The following TMCO5A variants were observed in gnomAD, a reference collection of about 807,000 sequenced individuals.
TMCO5A encodes the protein transmembrane and coiled-coil domain-containing protein 5A.
TMCO5A carries 34 observed loss-of-function variants against 42.3 expected under a neutral mutation model. The observed-to-expected ratio is 0.80, with a 90% CI of 0.61 to 1.07. TMCO5A has a LOEUF of 1.07. Ranked by LOEUF, TMCO5A falls within the 50% of genes least tolerant of loss-of-function variation. The pLI is 0.00. For missense variants in TMCO5A, 357 were observed against 327.9 expected, an observed-to-expected ratio of 1.09 and a Z score of -0.69; for synonymous variants, 131 against 115.6, an observed-to-expected ratio of 1.13 and a Z score of -0.86.
At position 37,951,203 on chromosome 15, in the gene TMCO5A, C is replaced by G; in HGVS notation, c.836C>G (p.Thr279Arg). 6.2e-7 allele frequency: 1 copy of G among 1,613,806 alleles called. No homozygotes were observed. The highest frequency in any genetic ancestry group is 8.5e-7 in the Non-Finnish European group (1 of 1,179,840). ...AGATGCTTCTTCTTTCCATCTCTCA[C>G]ACTTGAGACAGAGGACATGTTACCC... ...KLRCFFFPSLTLETEDMLPH is the reference protein window; with the variant it reads ...KLRCFFFPSLRLETEDMLPH The change falls in exon 12 of 12, where the codon ACA (threonine) becomes AGA (arginine). Residue 279 changes from threonine to arginine, a missense_variant. Thr to Arg is a moderately conservative substitution (Grantham distance 71). Coordinates refer to ENST00000319669, the MANE Select transcript of TMCO5A (RefSeq NM_152453.4).
At chr15:37,968,503 C>T (rs151283309), downstream of TMCO5A, among the ~76,000 whole-genome samples, 293 of 151,970 alleles carry the variant, frequency 1.9e-3, 3 homozygotes, top group African/African-American at 6.7e-3. Flanking sequence ...AGACACCATT[C>T]GTTTCTACGG....
chr15:37,977,076 T>C, the TMCO5A span, among the ~76,000 whole-genome samples: 1 of 152,300 alleles, frequency 6.6e-6, no homozygotes, highest in Admixed American at 6.5e-5. Flanking sequence ...CCAGCCTGGT[T>C]CTTTCTTAAA....
the TMCO5A span, among the ~76,000 whole-genome samples, chr15:37,978,274 C>T: frequency 6.6e-6 from 1 of 152,176 alleles, no homozygotes; most frequent in Non-Finnish European, 1.5e-5. Context: ...ATAAAGCCCT[C>T]AGACTCTTTG....
intron 11 of TMCO5A, among the ~76,000 whole-genome samples, chr15:37,957,487 C>A (rs1200273193): frequency 6.6e-6 from 1 of 152,092 alleles, no homozygotes; most frequent in Non-Finnish European, 1.5e-5. Context: ...CTCCCATTCA[C>A]AATTGCTACA....
chr15:37,936,155 A>G, intron 2 of TMCO5A, 159 bp from the exon 3 acceptor site: 1 of 815,164 alleles, frequency 1.2e-6, no homozygotes, highest in South Asian at 2.3e-5. Flanking sequence ...ACAGTTGTAG[A>G]GCATGATCAA....
the TMCO5A span, among the ~76,000 whole-genome samples, chr15:38,021,888 C>A: frequency 4.6e-5 from 7 of 151,186 alleles, no homozygotes; most frequent in Non-Finnish European, 1.0e-4. Flanking sequence ...CAGCTCACTG[C>A]AACCTCCACC....
the TMCO5A span, among the ~76,000 whole-genome samples, chr15:37,997,356 A>C: frequency 6.6e-6 from 1 of 152,240 alleles, no homozygotes; most frequent in African/African-American, 2.4e-5. Flanking sequence ...GTAAATTCTG[A>C]AAATGTCATT....
intron 6 of TMCO5A, among the ~76,000 whole-genome samples, chr15:37,938,767 A>T (rs1437326261): frequency 6.6e-6 from 1 of 152,016 alleles, no homozygotes; most frequent in Non-Finnish European, 1.5e-5. Context: ...AATCTAGAAA[A>T]GGGTTCAATT....
At chr15:37,941,861 G>A in intron 8 of TMCO5A, 131 bp downstream of exon 8, 1 of 756,216 alleles carries the variant, frequency 1.3e-6, no homozygotes, top group South Asian at 1.5e-5. Flanking sequence ...ATACTTTAAG[G>A]TCATCAGCAC....
the TMCO5A span, among the ~76,000 whole-genome samples, chr15:38,012,523 C>T: frequency 8.7e-5 from 13 of 149,318 alleles, no homozygotes; most frequent in Non-Finnish European, 1.9e-4. Flanking sequence ...TAGGAGTAGT[C>T]GTGTGTGTGT....
At chr15:37,946,624 C>T (rs57713946) in intron 10 of TMCO5A, among the ~76,000 whole-genome samples, 2,490 of 151,956 alleles carry the variant, frequency 0.016, 77 homozygotes, top group African/African-American at 0.057. Context: ...TTTGTAGCAA[C>T]TGTGAATGGG....
downstream of TMCO5A, among the ~76,000 whole-genome samples, chr15:37,972,155 C>T (rs1303735264): frequency 6.6e-6 from 1 of 152,156 alleles, no homozygotes; most frequent in Non-Finnish European, 1.5e-5. Context: ...GCTGGGGAGG[C>T]CTCACAATTA....
chr15:37,963,008 T>A (rs775016423), intron 11 of TMCO5A, among the ~76,000 whole-genome samples: 4 of 152,140 alleles, frequency 2.6e-5, no homozygotes, highest in Admixed American at 6.6e-5. Flanking sequence ...GTTTCATTTA[T>A]CTTTTGTATT....
the TMCO5A span, among the ~76,000 whole-genome samples, chr15:38,014,936 C>T: frequency 8.0e-6 from 1 of 125,734 alleles, no homozygotes; most frequent in Non-Finnish European, 1.6e-5. Context: ...TCATAAGGTC[C>T]CACAATAGGC....
the TMCO5A span, among the ~76,000 whole-genome samples, chr15:38,031,839 C>G: frequency 1.1e-4 from 16 of 152,296 alleles, no homozygotes; most frequent in African/African-American, 3.8e-4. Flanking sequence ...GCATTCTAGC[C>G]CTGCCATAGC....
downstream of TMCO5A, among the ~76,000 whole-genome samples, chr15:37,970,464 A>T (rs1006815596): frequency 6.6e-6 from 1 of 152,202 alleles, no homozygotes; most frequent in African/African-American, 2.4e-5. Context: ...GTGGGGACAC[A>T]GTCAAACCAT....
At chr15:38,016,492 G>A in the TMCO5A span, among the ~76,000 whole-genome samples, 1 of 152,264 alleles carries the variant, frequency 6.6e-6, no homozygotes, top group Non-Finnish European at 1.5e-5. Context: ...GATGATTTGA[G>A]GGGTGCTGAT....
the TMCO5A span, among the ~76,000 whole-genome samples, chr15:38,025,303 C>T: frequency 6.6e-6 from 1 of 152,044 alleles, no homozygotes; most frequent in East Asian, 1.9e-4. Context: ...TTTGGCTAGA[C>T]AGAGTAACCT....
At chr15:37,990,534 T>C in the TMCO5A span, among the ~76,000 whole-genome samples, 1 of 152,080 alleles carries the variant, frequency 6.6e-6, no homozygotes, top group Non-Finnish European at 1.5e-5. Flanking sequence ...TGACAGCATA[T>C]AGTTGGATCA....
Sources: allele counts gnomAD v4.1 joint callset (sites outside exome capture counted in the v4.1 genomes callset), GRCh38; gene constraint gnomAD v4.1.1; transcripts MANE v1.5; gene names NCBI Gene and HGNC (gene_info 2026-07-23, HGNC 2026-07-21).